The following CD28 variants were observed in gnomAD, a reference collection of about 807,000 sequenced individuals.
The protein encoded by CD28 is CD28 molecule.
Under a neutral mutation model 21.4 loss-of-function variants are expected in CD28, and 8 were observed. That is an observed-to-expected ratio of 0.37 (90% CI 0.22 to 0.68). The LOEUF is 0.68. Among genes scored for constraint, CD28 ranks in the 30% least tolerant of loss-of-function variants. The pLI is 0.55. For synonymous variants in CD28, 106 were observed against 104.0 expected (o/e 1.02, Z -0.12); for missense variants, 239 against 272.2 (o/e 0.88, Z 0.86).
intron 3 of CD28, among the ~76,000 whole-genome samples, chr2:203,732,753 G>A (rs1693927931): frequency 2.0e-5 from 3 of 152,182 alleles, no homozygotes; most frequent in South Asian, 2.1e-4. Context: ...ATGCACATGG[G>A]TGCTGTAGGT....
chr2:203,724,215 A>G (rs1283555689), intron 1 of CD28, among the ~76,000 whole-genome samples: 1 of 152,226 alleles, frequency 6.6e-6, no homozygotes, highest in African/African-American at 2.4e-5. Context: ...AGTGGTTTCC[A>G]GGGATTTAAG....
chr2:203,714,103 A>G (rs1044249572), intron 1 of CD28, among the ~76,000 whole-genome samples: 1 of 152,134 alleles, frequency 6.6e-6, no homozygotes, highest in Non-Finnish European at 1.5e-5. Flanking sequence ...TTATAGGGGT[A>G]GAGATAAGTT....
chr2:203,715,205 C>T (rs752584073), intron 1 of CD28, among the ~76,000 whole-genome samples: 36 of 151,872 alleles, frequency 2.4e-4, no homozygotes, highest in African/African-American at 8.5e-4. Flanking sequence ...CTCTTTATAC[C>T]TGTGGGTTTT....
At chr2:203,712,093 G>A (rs1693328896) in intron 1 of CD28, among the ~76,000 whole-genome samples, 1 of 152,148 alleles carries the variant, frequency 6.6e-6, no homozygotes, top group Admixed American at 6.5e-5. Context: ...TGGGGAGGCT[G>A]AGGTAGGAGA....
At chr2:203,733,586 AG>A (rs1002106939) in intron 3 of CD28, among the ~76,000 whole-genome samples, 2 of 151,966 alleles carry the variant, frequency 1.3e-5, no homozygotes, top group Non-Finnish European at 2.9e-5. Flanking sequence ...ATAGAGAAGA[AG>A]GCCTAGGACC....
intron 3 of CD28, among the ~76,000 whole-genome samples, chr2:203,731,222 A>G (rs951373392): frequency 2.6e-5 from 4 of 152,232 alleles, no homozygotes; most frequent in African/African-American, 7.2e-5. Context: ...GTATTGTAAA[A>G]TGTTGCCTGA....
chr2:203,712,352 A>G (rs1693338039), intron 1 of CD28, among the ~76,000 whole-genome samples: 1 of 152,180 alleles, frequency 6.6e-6, no homozygotes, highest in Admixed American at 6.5e-5. Flanking sequence ...CAGATAAATA[A>G]CACTTGGCAG....
chr2:203,727,605 G>T (rs1316264167), intron 2 of CD28, among the ~76,000 whole-genome samples: 1 of 137,624 alleles, frequency 7.3e-6, no homozygotes, highest in Non-Finnish European at 1.5e-5. Flanking sequence ...TCAGCCTCCC[G>T]ATCAGCTGGG....
At chr2:203,707,599 G>A (rs1262001233) in intron 1 of CD28, among the ~76,000 whole-genome samples, 1 of 152,144 alleles carries the variant, frequency 6.6e-6, no homozygotes, top group African/African-American at 2.4e-5. Flanking sequence ...TCCCAATGAC[G>A]ATGATGAGGA....
intron 3 of CD28, among the ~76,000 whole-genome samples, chr2:203,731,917 T>G (rs191135898): frequency 8.5e-5 from 13 of 152,370 alleles, no homozygotes; most frequent in African/African-American, 1.4e-4. Flanking sequence ...CAATAAAAAC[T>G]ACCACTTATC....
chr2:203,729,119 C>G (rs1264373168), intron 2 of CD28, among the ~76,000 whole-genome samples: 2 of 152,202 alleles, frequency 1.3e-5, no homozygotes, highest in African/African-American at 4.8e-5. Context: ...CTTCTCATCC[C>G]CTTTTGATTC....
intron 1 of CD28, among the ~76,000 whole-genome samples, chr2:203,714,928 G>A (rs1693426022): frequency 6.6e-6 from 1 of 152,132 alleles, no homozygotes; most frequent in African/African-American, 2.4e-5. Context: ...GCAATGTTAA[G>A]GTCCAACACA....
Position 203,735,556 on chromosome 2 carries a change from A to C in CD28, c.*644A>C, listed in dbSNP as rs1222348475. 6.5e-6 allele frequency: 1 copy of C among 152,718 alleles called. No homozygotes were observed. The highest frequency in any genetic ancestry group is 2.4e-5 in the African/African-American group (1 of 41,452). The allele number at this position is 152,718 out of a possible 1,614,324, so 9.5% of individuals were successfully genotyped here. ...ACCAAATGAGGGATTTGGTCAAATGAGGGATTCCCTCAAAGCAATATCAGG... is the reference window on the plus strand; with the variant it reads ...ACCAAATGAGGGATTTGGTCAAATGCGGGATTCCCTCAAAGCAATATCAGG... On this transcript the variant is annotated 3_prime_UTR_variant, in exon 4 of 4. Transcript: ENST00000324106.
chr2:203,718,565 T>C (rs1693524176), intron 1 of CD28, among the ~76,000 whole-genome samples: 1 of 152,206 alleles, frequency 6.6e-6, no homozygotes, highest in African/African-American at 2.4e-5. Context: ...ATTAGAATCT[T>C]ACAACCTGAT....
chr2:203,734,891 C>T lies in CD28; in HGVS notation c.642C>T (p.Asp214=). 6.2e-7 allele frequency: 1 copy of T among 1,614,196 alleles called. No homozygotes were observed. Among genetic ancestry groups the T allele is most frequent in the Non-Finnish European group, 8.5e-7 (1 of 1,180,020 alleles). The change falls in exon 4 of 4, where the codon GAC becomes GAT. Residue 214 remains aspartate (D), a synonymous_variant. Coordinates refer to ENST00000324106, the MANE Select transcript of CD28 (RefSeq NM_006139.4). The stretch of plus-strand genomic sequence containing the variant: ...ACCAGCCCTATGCCCCACCACGCGA[C>T]TTCGCAGCCTATCGCTCCTGACACG... ...KHYQPYAPPR[D]FAAYRS
At chr2:203,723,904 A>G (rs546746163) in intron 1 of CD28, among the ~76,000 whole-genome samples, 1 of 152,338 alleles carries the variant, frequency 6.6e-6, no homozygotes, top group Non-Finnish European at 1.5e-5. Flanking sequence ...TACCTAAGAG[A>G]GTTGAAAACA....
At chr2:203,716,109 C>T (rs1162787731) in intron 1 of CD28, among the ~76,000 whole-genome samples, 2 of 152,156 alleles carry the variant, frequency 1.3e-5, no homozygotes, top group East Asian at 3.9e-4. Context: ...AATCTATGTG[C>T]CTTTTCTTGG....
In CD28 at chr2:203,734,887, G is replaced by GCGA. The variant is rs1693989343; in HGVS notation, c.640_642dup (p.Asp214dup). On this transcript the variant is annotated inframe_insertion, in exon 4 of 4. Transcript: ENST00000324106. Reference sequence around the variant, plus strand: ...CATTACCAGCCCTATGCCCCACCACGCGACTTCGCAGCCTATCGCTCCTGA... The same window carrying GCGA: ...CATTACCAGCCCTATGCCCCACCACGCGACGACTTCGCAGCCTATCGCTCCTGA... 6.2e-7 allele frequency: 1 copy of GCGA among 1,614,114 alleles called. No homozygotes were observed. The highest frequency in any genetic ancestry group is 2.2e-5 in the East Asian group (1 of 44,878).
rs553677308 is a variant in CD28, at chr2:203,711,290, A to G, written c.52+4542A>G. On this transcript the variant is annotated intron_variant, in intron 1 of 3. Coordinates refer to ENST00000324106, the MANE Select transcript of CD28 (RefSeq NM_006139.4). ...TAATCTCATTTTGAGGACTCCAAACACTAGAAGAGAAGTGCACTGGATAGG... is the reference window on the plus strand; with the variant it reads ...TAATCTCATTTTGAGGACTCCAAACGCTAGAAGAGAAGTGCACTGGATAGG... 2.0e-5 allele frequency among the ~76,000 whole-genome samples: 3 copies of G among 152,322 alleles called. No individual in the cohort carries two copies. In the East Asian group the frequency reaches 5.8e-4, roughly 29 times the overall value.
Sources: gnomAD v4.1 joint callset for allele counts (sites outside exome capture counted in the v4.1 genomes callset) on GRCh38, gnomAD v4.1.1 for gene constraint, MANE v1.5 for transcripts, NCBI Gene and HGNC (gene_info 2026-07-23, HGNC 2026-07-21) for gene names.